Variants in CAMKMT observed in about 807,000 individuals in gnomAD.
The protein encoded by CAMKMT is calmodulin-lysine N-methyltransferase, also known as CaM KMT.
Under a neutral mutation model 48.0 loss-of-function variants are expected in CAMKMT, and 53 were observed. The ratio of observed to expected loss-of-function variants is 1.10; its 90% CI spans 0.89 to 1.39. The LOEUF is 1.39. CAMKMT is among the 40% of genes most tolerant of loss of function. The pLI, the probability that CAMKMT is intolerant of heterozygous loss-of-function variation, is 0.00. For missense variants in CAMKMT, 428 were observed against 402.7 expected, an observed-to-expected ratio of 1.06 and a Z score of -0.54; for synonymous variants, 165 against 152.3, an observed-to-expected ratio of 1.08 and a Z score of -0.61.
intron 3 of CAMKMT, among the ~76,000 whole-genome samples, chr2:44,525,078 C>T (rs1313383498): frequency 6.6e-6 from 1 of 151,766 alleles, no homozygotes; most frequent in Non-Finnish European, 1.5e-5. Context: ...AGATAGCACA[C>T]GTTAGTAGTT....
At chr2:44,404,748 T>G (rs1682662408) in intron 3 of CAMKMT, among the ~76,000 whole-genome samples, 1 of 152,110 alleles carries the variant, frequency 6.6e-6, no homozygotes, top group Non-Finnish European at 1.5e-5. Context: ...TCTCAAGGTC[T>G]TTTTATGCTT....
chr2:44,730,274 G>A (rs956392641), intron 7 of CAMKMT, among the ~76,000 whole-genome samples: 2 of 152,152 alleles, frequency 1.3e-5, no homozygotes. Flanking sequence ...TCCAGATCCT[G>A]TGTGTAAGAT....
chr2:44,572,011 T>G (rs937351584), intron 3 of CAMKMT, among the ~76,000 whole-genome samples: 1 of 152,178 alleles, frequency 6.6e-6, no homozygotes, highest in African/African-American at 2.4e-5. Context: ...ATATATAATC[T>G]TTTACGTATC....
At chr2:44,363,021 C>T (rs1260916633) in intron 1 of CAMKMT, among the ~76,000 whole-genome samples, 1 of 152,172 alleles carries the variant, frequency 6.6e-6, no homozygotes, top group Non-Finnish European at 1.5e-5. Context: ...AAAGAGTTTC[C>T]CAGCTATTGC....
At chr2:44,675,576 T>C (rs1675637975) in intron 3 of CAMKMT, among the ~76,000 whole-genome samples, 1 of 152,192 alleles carries the variant, frequency 6.6e-6, no homozygotes, top group African/African-American at 2.4e-5. Flanking sequence ...TTGTGCCAAG[T>C]TTTCAAACGT....
chr2:44,419,325 C>G (rs1683772664), intron 3 of CAMKMT, among the ~76,000 whole-genome samples: 1 of 152,216 alleles, frequency 6.6e-6, no homozygotes, highest in Non-Finnish European at 1.5e-5. Flanking sequence ...TCTACAAAAG[C>G]ATTCCAGTGT....
intron 3 of CAMKMT, among the ~76,000 whole-genome samples, chr2:44,655,268 C>T (rs192910934): frequency 6.6e-6 from 1 of 152,134 alleles, no homozygotes; most frequent in Non-Finnish European, 1.5e-5. Flanking sequence ...AAATGATAAG[C>T]TCCCAAATGC....
At chr2:44,755,127 C>A (rs1203729581) in intron 9 of CAMKMT, among the ~76,000 whole-genome samples, 2 of 152,148 alleles carry the variant, frequency 1.3e-5, no homozygotes, top group Non-Finnish European at 2.9e-5. Context: ...TTGCCATACA[C>A]TGTTGCTTTT....
chr2:44,661,516 A>T (rs1164908846), intron 3 of CAMKMT, among the ~76,000 whole-genome samples: 3 of 152,148 alleles, frequency 2.0e-5, no homozygotes, highest in South Asian at 2.1e-4. Flanking sequence ...GGGTTTCACC[A>T]TGTTGGCCAG....
intron 3 of CAMKMT, among the ~76,000 whole-genome samples, chr2:44,654,763 C>T (rs1674280443): frequency 6.6e-6 from 1 of 152,192 alleles, no homozygotes; most frequent in Non-Finnish European, 1.5e-5. Flanking sequence ...GATCCACCTG[C>T]TTCGGCCTCC....
intron 3 of CAMKMT, among the ~76,000 whole-genome samples, chr2:44,555,423 C>T (rs1028654081): frequency 2.0e-5 from 3 of 152,108 alleles, no homozygotes; most frequent in African/African-American, 7.2e-5. Flanking sequence ...GCAGGGACTA[C>T]AGGAAGAACA....
In CAMKMT at chr2:44,581,113, C is replaced by A. The variant is rs532014458; in HGVS notation, c.377-123170C>A. ...CAAATGTCAGAATATAGCTAGTCTG[C>A]AAACTAGGCAGTGCAAGTATGTTTC... On this transcript the variant is annotated intron_variant, in intron 3 of 10. Coordinates refer to ENST00000378494, the MANE Select transcript of CAMKMT (RefSeq NM_024766.5). Among the ~76,000 whole-genome samples, 112 of 152,166 alleles carry A rather than the reference C, an allele frequency of 7.4e-4. No homozygotes were observed. In the South Asian group the frequency reaches 8.3e-3, roughly 11 times the overall value.
Position 44,772,551 on chromosome 2 carries a change from G to A in CAMKMT, c.*438G>A, listed in dbSNP as rs148651649. ...CAGCAAATATCATGATTCTTTCCTG[G>A]TTAGAAAAATAAATAAAGTGTATCT... On this transcript the variant is annotated 3_prime_UTR_variant, in exon 11 of 11. Transcript: ENST00000378494. 1,178 of 153,294 alleles carry A rather than the reference G, an allele frequency of 7.7e-3. 16 individuals are homozygous for A. Among genetic ancestry groups the A allele is most frequent in the African/African-American group, 0.027 (1,114 of 41,056 alleles). The allele number at this position is 153,294 out of a possible 1,614,324, so 9.5% of individuals were successfully genotyped here. A position where few individuals can be genotyped will look rare whatever the true frequency, so the allele number is the denominator to read the frequency against.
chr2:44,487,280 C>G (rs891039721), intron 3 of CAMKMT, among the ~76,000 whole-genome samples: 1 of 151,554 alleles, frequency 6.6e-6, no homozygotes, highest in Non-Finnish European at 1.5e-5. Flanking sequence ...TAACATAGAG[C>G]TTAGTGATAT....
chr2:44,379,994 C>T (rs1680080042), intron 2 of CAMKMT, among the ~76,000 whole-genome samples: 2 of 151,994 alleles, frequency 1.3e-5, no homozygotes, highest in African/African-American at 4.8e-5. Context: ...TGAGGTGTAA[C>T]ATGTCTATTT....
chr2:44,706,947 G>A (rs1294964133), intron 5 of CAMKMT, among the ~76,000 whole-genome samples: 4 of 151,938 alleles, frequency 2.6e-5, no homozygotes, highest in Admixed American at 6.6e-5. Flanking sequence ...ACAATGTGTC[G>A]AGGTTACAGC....
intron 3 of CAMKMT, among the ~76,000 whole-genome samples, chr2:44,506,597 G>T (rs113208233): frequency 6.6e-6 from 1 of 152,048 alleles, no homozygotes; most frequent in South Asian, 2.1e-4. Context: ...AGAAATAAAC[G>T]CCATTTCTCA....
intron 2 of CAMKMT, among the ~76,000 whole-genome samples, chr2:44,373,529 C>T (rs1022695820): frequency 2.0e-5 from 3 of 152,094 alleles, no homozygotes; most frequent in African/African-American, 4.8e-5. Flanking sequence ...ATAAAATCTG[C>T]CTTTTCTGAC....
At chr2:44,510,755 C>G (rs1300008109) in intron 3 of CAMKMT, among the ~76,000 whole-genome samples, 1 of 152,084 alleles carries the variant, frequency 6.6e-6, no homozygotes, top group Non-Finnish European at 1.5e-5. Context: ...CACCCATCAC[C>G]TGAACGGTAT....
Sources: gnomAD v4.1 joint callset for allele counts (sites outside exome capture counted in the v4.1 genomes callset) on GRCh38, gnomAD v4.1.1 for gene constraint, MANE v1.5 for transcripts, NCBI Gene and HGNC (gene_info 2026-07-23, HGNC 2026-07-21) for gene names.